RBFOX1: variants seen among roughly 807,000 people sequenced by gnomAD.
RBFOX1 encodes the protein RNA binding fox-1 homolog 1, also known as RNA binding protein fox-1 homolog 1.
In RBFOX1, 8 loss-of-function variants were observed where a neutral mutation model predicts 57.7. The ratio of observed to expected loss-of-function variants is 0.14; its 90% CI spans 0.08 to 0.25. The LOEUF is 0.25. Among genes scored for constraint, RBFOX1 ranks in the 10% least tolerant of loss-of-function variants. The pLI is 1.00. For synonymous variants in RBFOX1, 326 were observed against 222.4 expected (o/e 1.47, Z -4.15); for missense variants, 611 against 548.5 (o/e 1.11, Z -1.14).
At chr16:7,615,174 A>C (rs1042256649) in intron 10 of RBFOX1, among the ~76,000 whole-genome samples, 3 of 152,166 alleles carry the variant, frequency 2.0e-5, no homozygotes, top group Non-Finnish European at 4.4e-5. Context: ...TCTACTAAAA[A>C]TACAAAAAAG....
At chr16:7,443,532 C>A (rs928416859) in intron 4 of RBFOX1, among the ~76,000 whole-genome samples, 2 of 152,036 alleles carry the variant, frequency 1.3e-5, no homozygotes, top group Non-Finnish European at 1.5e-5. Flanking sequence ...ACCCAACAAC[C>A]TTGTTGGTGT....
chr16:5,598,332 C>T lies in RBFOX1; in HGVS notation c.259-570C>T, dbSNP rs566680947. Among the ~76,000 whole-genome samples, 17 of 152,188 alleles carry T rather than the reference C, an allele frequency of 1.1e-4. No individual in the cohort carries two copies. In the South Asian group the frequency reaches 2.3e-3, roughly 20 times the overall value. On this transcript the variant is annotated intron_variant, in intron 2 of 2. Transcript: ENST00000585867. ...GAAGGTTAGGGACCCCCAGCATCCT[C>T]GGTCTGGGACGAGGAGTCCACACTG...
intron 4 of RBFOX1, among the ~76,000 whole-genome samples, chr16:7,428,051 T>C (rs746700806): frequency 2.6e-4 from 39 of 152,314 alleles, no homozygotes; most frequent in Middle Eastern, 3.4e-3. Flanking sequence ...TTACCTGTCT[T>C]TTAAGTTGTG....
intron 3 of RBFOX1, among the ~76,000 whole-genome samples, chr16:6,970,585 A>C (rs1471347505): frequency 6.6e-6 from 1 of 152,166 alleles, no homozygotes; most frequent in Non-Finnish European, 1.5e-5. Context: ...TTGTGTCTTC[A>C]CATGGTGGAA....
At chr16:6,690,652 C>A (rs182025383) in intron 3 of RBFOX1, among the ~76,000 whole-genome samples, 3 of 152,064 alleles carry the variant, frequency 2.0e-5, no homozygotes, top group East Asian at 3.9e-4. Context: ...GAATCATAAA[C>A]CTCTGCTTTT....
intron 3 of RBFOX1, among the ~76,000 whole-genome samples, chr16:6,656,882 C>CCTCTCCTCTCCTCCCCTCAA (rs1231285083): frequency 2.8e-4 from 41 of 148,596 alleles, no homozygotes; most frequent in African/African-American, 9.8e-4. Flanking sequence ...TAACTCCTCT[C>CCTCTCCTCTCCTCCCCTCAA]CTCTCCTCTC....
intron 14 of RBFOX1, among the ~76,000 whole-genome samples, chr16:7,696,390 G>A (rs1292020303): frequency 6.6e-6 from 1 of 152,160 alleles, no homozygotes; most frequent in Non-Finnish European, 1.5e-5. Context: ...GGTGAAAAGG[G>A]AGTAAATGAT....
chr16:6,588,202 G>T (rs1010956772), intron 2 of RBFOX1, among the ~76,000 whole-genome samples: 3 of 151,794 alleles, frequency 2.0e-5, no homozygotes, highest in Admixed American at 1.3e-4. Flanking sequence ...CTGTACTCCA[G>T]CCTGGGCACA....
chr16:5,582,625 G>C (rs906860139), intron 2 of RBFOX1, among the ~76,000 whole-genome samples: 5 of 140,978 alleles, frequency 3.5e-5, no homozygotes, highest in African/African-American at 8.1e-5. Context: ...ATCTTGGTTC[G>C]CTGCAGTGTC....
chr16:6,681,453 C>G (rs139964945), intron 3 of RBFOX1, among the ~76,000 whole-genome samples: 4 of 152,264 alleles, frequency 2.6e-5, no homozygotes, highest in East Asian at 1.9e-4. Flanking sequence ...AAGAAGAGTT[C>G]AGAAGTATAA....
chr16:5,805,273 T>C (rs78564602), intron 3 of RBFOX1, among the ~76,000 whole-genome samples: 4,425 of 152,226 alleles, frequency 0.029, 238 homozygotes, highest in African/African-American at 0.1. Flanking sequence ...GATGGGTTCA[T>C]TCATTTATTT....
chr16:6,482,977 T>C (rs1468095543), intron 2 of RBFOX1, among the ~76,000 whole-genome samples: 1 of 152,212 alleles, frequency 6.6e-6, no homozygotes, highest in East Asian at 1.9e-4. Flanking sequence ...TATTCTGTCA[T>C]GTGGTACATA....
At chr16:7,662,942 G>A (rs1465279102) in intron 12 of RBFOX1, among the ~76,000 whole-genome samples, 1 of 152,220 alleles carries the variant, frequency 6.6e-6, no homozygotes, top group Admixed American at 6.5e-5. Context: ...AAATGCCCAT[G>A]TGCTTCCCAT....
At chr16:6,620,462 C>G (rs908175099) in intron 2 of RBFOX1, among the ~76,000 whole-genome samples, 1 of 151,918 alleles carries the variant, frequency 6.6e-6, no homozygotes, top group African/African-American at 2.4e-5. Context: ...CAAACAAATC[C>G]CAAAGCTAGC....
intron 1 of RBFOX1, among the ~76,000 whole-genome samples, chr16:5,396,497 C>G (rs567501687): frequency 4.5e-4 from 68 of 152,236 alleles, no homozygotes; most frequent in African/African-American, 1.6e-3. Flanking sequence ...AAAAAATTAG[C>G]TGGGTGTGGC....
intron 4 of RBFOX1, among the ~76,000 whole-genome samples, chr16:7,189,082 C>G (rs1304987718): frequency 6.6e-6 from 1 of 151,932 alleles, no homozygotes; most frequent in African/African-American, 2.4e-5. Flanking sequence ...GGATAGAATC[C>G]TCATAGGAAG....
At chr16:5,776,860 G>C (rs2054165602) in intron 3 of RBFOX1, among the ~76,000 whole-genome samples, 2 of 152,328 alleles carry the variant, frequency 1.3e-5, no homozygotes, top group Admixed American at 1.3e-4. Context: ...TTCTAAATCA[G>C]CATCATCAAA....
intron 3 of RBFOX1, among the ~76,000 whole-genome samples, chr16:6,767,570 T>TTTTGTGACAGTATAAATCTTTGTCAC: frequency 1.3e-5 from 2 of 152,126 alleles, no homozygotes; most frequent in African/African-American, 4.8e-5. Flanking sequence ...ATGTCAAATA[T>TTTTGTGACAGTATAAATCTTTGTCAC]AGCATTTGTG....
At chr16:5,900,312 A>G (rs1286822051) in intron 4 of RBFOX1, among the ~76,000 whole-genome samples, 1 of 152,170 alleles carries the variant, frequency 6.6e-6, no homozygotes, top group African/African-American at 2.4e-5. Context: ...TTGATTCATG[A>G]ATGCCTGTAA....
Sources: allele counts gnomAD v4.1 joint callset (sites outside exome capture counted in the v4.1 genomes callset), GRCh38; gene constraint gnomAD v4.1.1; transcripts MANE v1.5; gene names NCBI Gene and HGNC (gene_info 2026-07-23, HGNC 2026-07-21).